Variants in UCN3 observed in about 807,000 individuals in gnomAD.
UCN3 encodes urocortin 3.
Under a neutral mutation model 3.6 loss-of-function variants are expected in UCN3, and 3 were observed. The observed-to-expected ratio is 0.83, with a 90% CI of 0.38 to 2.15. UCN3 has a LOEUF of 2.15. UCN3 is among the 30% of genes most tolerant of loss of function. The probability of loss-of-function intolerance (pLI) is 0.06; values close to 1 mark genes in which losing one functional copy is unlikely to be tolerated. For synonymous variants in UCN3, 100 were observed against 93.2 expected, an observed-to-expected ratio of 1.07 and a Z score of -0.42; for missense variants, 206 against 208.3, an observed-to-expected ratio of 0.99 and a Z score of 0.07.
In UCN3 at chr10:5,370,192, C is replaced by T. The variant is rs62651861; in HGVS notation, c.-6-3523C>T. On this transcript the variant is annotated intron_variant, in intron 1 of 1. Coordinates refer to ENST00000380433, the MANE Select transcript of UCN3 (RefSeq NM_053049.4). Reference sequence around the variant, plus strand: ...GTGTGTGTATATGCGTGTGTATATGCGTGTGTATATGCGTGTGTATGTGTG... The same window carrying T: ...GTGTGTGTATATGCGTGTGTATATGTGTGTGTATATGCGTGTGTATGTGTG... Among the ~76,000 whole-genome samples, 48 of 7,096 alleles carry T rather than the reference C, an allele frequency of 6.8e-3. 1 individual carries two copies. The highest frequency in any genetic ancestry group is 9.4e-3 in the Admixed American group (5 of 530). The allele number at this position is 7,096 out of a possible 152,430, so 4.7% of individuals were successfully genotyped here.
chr10:5,372,616 C>G (rs7082407), intron 1 of UCN3, among the ~76,000 whole-genome samples: 2,078 of 152,194 alleles, frequency 0.014, 43 homozygotes, highest in African/African-American at 0.047. Flanking sequence ...GTGGCACAAT[C>G]ACAGTTCACT....
chr10:5,370,144 CGTGTGTATATGTGTGTGTATAT>C lies in UCN3; in HGVS notation c.-6-3564_-6-3543del, dbSNP rs1205488456. 9.1e-3 allele frequency among the ~76,000 whole-genome samples: 79 copies of C among 8,644 alleles called. 6 individuals carry two copies. Among genetic ancestry groups the C allele is most frequent in the African/African-American group, 0.017 (28 of 1,628 alleles). The allele number at this position is 8,644 out of a possible 152,430, so 5.7% of individuals were successfully genotyped here. A position where few individuals can be genotyped will look rare whatever the true frequency, so the allele number is the denominator to read the frequency against. ...GTATGTGTGTGTATGTGTGTGTATGCGTGTGTATATGTGTGTGTATATGTGTGTGTATATGCGTGTGTATATG... is the reference window on the plus strand; with the variant it reads ...GTATGTGTGTGTATGTGTGTGTATGCGTGTGTGTATATGCGTGTGTATATG... On this transcript the variant is annotated intron_variant, in intron 1 of 1. Transcript: ENST00000380433.
rs1485838796 is a variant in UCN3, at chr10:5,369,875, A to ATGTGTGTGTGTATATG, written c.-6-3831_-6-3830insGTATATGTGTGTGTGT. Among the ~76,000 whole-genome samples, 23 of 84,402 alleles carry ATGTGTGTGTGTATATG rather than the reference A, an allele frequency of 2.7e-4. 4 individuals carry two copies. The highest frequency in any genetic ancestry group is 1.1e-3 in the African/African-American group (22 of 19,698). The allele number at this position is 84,402 out of a possible 152,430, so 55.4% of individuals were successfully genotyped here. A position where few individuals can be genotyped will look rare whatever the true frequency, so the allele number is the denominator to read the frequency against. On this transcript the variant is annotated intron_variant, in intron 1 of 1. Coordinates refer to ENST00000380433, the MANE Select transcript of UCN3 (RefSeq NM_053049.4). ...TTTATCCACGTGGGTGTGTGTGTAT[A>ATGTGTGTGTGTATATG]TGTGTGTGTATATGTGTGTGTGTAT...
Position 5,369,954 on chromosome 10 carries a change from TGTGTGTATATGC to T in UCN3, c.-6-3737_-6-3726del, listed in dbSNP as rs1156287433. 5.0e-4 allele frequency among the ~76,000 whole-genome samples: 55 copies of T among 109,788 alleles called. 5 individuals carry two copies. The highest frequency in any genetic ancestry group is 1.0e-3 in the African/African-American group (29 of 27,998). The allele number at this position is 109,788 out of a possible 152,430, so 72.0% of individuals were successfully genotyped here. A position where few individuals can be genotyped will look rare whatever the true frequency, so the allele number is the denominator to read the frequency against. On this transcript the variant is annotated intron_variant, in intron 1 of 1. Transcript: ENST00000380433. ...GTGTGTGTGTATGTGTGTGTATATGTGTGTGTATATGCGTGTGTATATGCGTGTGTATATGTG... is the reference window on the plus strand; with the variant it reads ...GTGTGTGTGTATGTGTGTGTATATGTGTGTGTATATGCGTGTGTATATGTG...
At chr10:5,368,004 T>A (rs951117474) in intron 1 of UCN3, among the ~76,000 whole-genome samples, 15 of 152,036 alleles carry the variant, frequency 9.9e-5, no homozygotes, top group Non-Finnish European at 2.2e-4. Context: ...CTAATTTTTT[T>A]AATTTATTTA....
At position 5,374,001 on chromosome 10, in the gene UCN3, G is replaced by A. The variant is rs200739475; in HGVS notation, c.281G>A (p.Arg94Gln). 2.7e-5 allele frequency: 43 copies of A among 1,610,584 alleles called. No homozygotes were observed. In the African/African-American group the frequency reaches 4.6e-4, roughly 17 times the overall value. Residue 94 changes from arginine (R) to glutamine (Q), a missense_variant, in exon 2 of 2, where the codon CGG becomes CAG. Arg to Gln is a conservative substitution (Grantham distance 43, BLOSUM62 1). Coordinates refer to ENST00000380433, the MANE Select transcript of UCN3 (RefSeq NM_053049.4). ...GCCAGGGGTGGAGCCAGAGGCACCC[G>A]GTACAGATACGTGTCCCAAGCACAG... ...SGARGGARGT[R>Q]YRYVSQAQPR...
At position 5,374,185 on chromosome 10, in the gene UCN3, G is replaced by T; in HGVS notation, c.465G>T (p.Ala155=). Residue 155 remains alanine, a synonymous_variant, in exon 2 of 2, where the codon GCG becomes GCT. Transcript: ENST00000380433. The stretch of plus-strand genomic sequence containing the variant: ...CGGCCGCCAATGCCCACCTGATGGC[G>T]CAAATTGGGAGGAAGAAGTAGAGGC... ...AQAAANAHLM[A]QIGRKK is the part of the protein sequence containing the mutation. 1 of 1,597,950 alleles carries T rather than the reference G, an allele frequency of 6.3e-7. No individual in the cohort carries two copies. The highest frequency in any genetic ancestry group is 1.1e-5 in the South Asian group (1 of 90,700).
chr10:5,369,931 G>GTGTATATGTGTGTGTGTA (rs1831323013), intron 1 of UCN3, among the ~76,000 whole-genome samples: 3 of 127,220 alleles, frequency 2.4e-5, no homozygotes, highest in African/African-American at 1.0e-4. Flanking sequence ...GTGTATGTGT[G>GTGTATATGTGTGTGTGTA]TGTGTGTATG....
rs1485838796 is a variant in UCN3, at chr10:5,369,875, A to ATGTGTGTGTGTGTATATGTG, written c.-6-3831_-6-3830insGTGTATATGTGTGTGTGTGT. 2.4e-4 allele frequency among the ~76,000 whole-genome samples: 20 copies of ATGTGTGTGTGTGTATATGTG among 84,398 alleles called. 3 individuals carry two copies. The highest frequency in any genetic ancestry group is 9.1e-4 in the African/African-American group (18 of 19,694). 55.4% of individuals were successfully genotyped at this position (84,398 alleles called of 152,430 possible). On this transcript the variant is annotated intron_variant, in intron 1 of 1. Transcript: ENST00000380433. Reference sequence around the variant, plus strand: ...TTTATCCACGTGGGTGTGTGTGTATATGTGTGTGTATATGTGTGTGTGTAT... The same window carrying ATGTGTGTGTGTGTATATGTG: ...TTTATCCACGTGGGTGTGTGTGTATATGTGTGTGTGTGTATATGTGTGTGTGTGTATATGTGTGTGTGTAT...
intron 1 of UCN3, among the ~76,000 whole-genome samples, chr10:5,370,817 G>T (rs1160617738): frequency 9.4e-6 from 1 of 106,164 alleles, no homozygotes; most frequent in Non-Finnish European, 1.9e-5. Context: ...GTGTGTGCGT[G>T]TGTGTGCGCG....
chr10:5,369,664 A>G (rs545578216), intron 1 of UCN3, among the ~76,000 whole-genome samples: 1 of 152,364 alleles, frequency 6.6e-6, no homozygotes, highest in African/African-American at 2.4e-5. Context: ...GTGTTTTCTC[A>G]TAAATTATGA....
rs782293812 is a variant in UCN3, at chr10:5,374,151, G to A, written c.431G>A (p.Arg144His). The change falls in exon 2 of 2, where the codon CGT (arginine) becomes CAT (histidine). Residue 144 changes from arginine to histidine, a missense_variant. Arg to His is a conservative substitution (Grantham distance 29). Transcript: ENST00000380433. ...LFNIAKAKNL[R>H]AQAAANAHLM... ...AACATCGCCAAGGCCAAGAACCTGC[G>A]TGCCCAGGCGGCCGCCAATGCCCAC... 4.7e-5 allele frequency: 75 copies of A among 1,612,642 alleles called. No individual in the cohort carries two copies. Among genetic ancestry groups the A allele is most frequent in the South Asian group, 2.7e-4 (25 of 91,014 alleles).
chr10:5,373,071 T>G (rs1180156798), intron 1 of UCN3, among the ~76,000 whole-genome samples: 1 of 152,164 alleles, frequency 6.6e-6, no homozygotes, highest in Non-Finnish European at 1.5e-5. Context: ...GGATGATACT[T>G]GGTCTGACAA....
rs1831474913 is a variant in UCN3 at position 5,374,283 on chromosome 10, A to AGGGCGAGGG, written c.*80_*81insCGAGGGGGG. ...GAGGGGAGGGCGAGGGGGGGAGGGG[A>AGGGCGAGGG]GGGGGAGGGTGCTGTCTGCTGGTTT... On this transcript the variant is annotated 3_prime_UTR_variant, in exon 2 of 2. Transcript: ENST00000380433. The AGGGCGAGGG allele has an allele frequency of 8.2e-5, 4 of 48,914 alleles. No individual in the cohort carries two copies. Among genetic ancestry groups the AGGGCGAGGG allele is most frequent in the African/African-American group, 6.2e-4 (4 of 6,474 alleles). The allele number at this position is 48,914 out of a possible 1,614,324, so 3.0% of individuals were successfully genotyped here. A position where few individuals can be genotyped will look rare whatever the true frequency, so the allele number is the denominator to read the frequency against.
chr10:5,371,345 T>G (rs1478072145), intron 1 of UCN3, among the ~76,000 whole-genome samples: 1 of 151,900 alleles, frequency 6.6e-6, no homozygotes, highest in African/African-American at 2.4e-5. Context: ...TATGCACATG[T>G]GTGCATGTAT....
In UCN3 at chr10:5,370,131, A is replaced by ATGTGTATG. The variant is rs1564442401; in HGVS notation, c.-6-3579_-6-3578insATGTGTGT. Among the ~76,000 whole-genome samples, 17 of 26,914 alleles carry ATGTGTATG rather than the reference A, an allele frequency of 6.3e-4. 2 individuals carry two copies. Among genetic ancestry groups the ATGTGTATG allele is most frequent in the African/African-American group, 2.4e-3 (12 of 4,956 alleles). 17.7% of individuals were successfully genotyped at this position (26,914 alleles called of 152,430 possible). ...TGTATATGTGTGTGTATGTGTGTGT[A>ATGTGTATG]TGTGTGTGTATGCGTGTGTATATGT... On this transcript the variant is annotated intron_variant, in intron 1 of 1. Transcript: ENST00000380433.
Position 5,373,706 on chromosome 10 carries a change from C to T in UCN3, c.-6-9C>T, listed in dbSNP as rs1488838272. 3 of 1,611,384 alleles carry T rather than the reference C, an allele frequency of 1.9e-6. No individual in the cohort carries two copies. The highest frequency in any genetic ancestry group is 2.5e-6 in the Non-Finnish European group (3 of 1,178,362). On this transcript the variant is annotated splice_polypyrimidine_tract_variant and intron_variant, in intron 1 of 1. Coordinates refer to ENST00000380433, the MANE Select transcript of UCN3 (RefSeq NM_053049.4). ...ATGCCCCTGCCCACATCCCTCTTTT[C>T]TGCTGCAGGGAGAGATGCTGATGCC...
At chr10:5,372,716 ATTTTTTT>A (rs1156663637) in intron 1 of UCN3, among the ~76,000 whole-genome samples, 1 of 127,690 alleles carries the variant, frequency 7.8e-6, no homozygotes, top group Non-Finnish European at 1.6e-5. Context: ...CGCCCAGCTA[ATTTTTTT>A]TTTTTTTTTT....
At chr10:5,370,550 TGTGTATATGTGTGTGTATATGC>T (rs1831375110) in intron 1 of UCN3, among the ~76,000 whole-genome samples, 1 of 116,314 alleles carries the variant, frequency 8.6e-6, no homozygotes, top group African/African-American at 3.4e-5. Context: ...CGTGTATATG[TGTGTATATGTGTGTGTATATGC>T]GTGTATATGT....
Sources: allele counts gnomAD v4.1 joint callset (sites outside exome capture counted in the v4.1 genomes callset), GRCh38; gene constraint gnomAD v4.1.1; transcripts MANE v1.5; gene names NCBI Gene and HGNC (gene_info 2026-07-23, HGNC 2026-07-21).